The following SLC24A2 variants were observed in gnomAD, a reference collection of about 807,000 sequenced individuals.
SLC24A2 encodes sodium/potassium/calcium exchanger 2.
SLC24A2 carries 36 observed loss-of-function variants against 62.0 expected under a neutral mutation model. The observed-to-expected ratio is 0.58, with a 90% CI of 0.44 to 0.77. The LOEUF (loss-of-function observed/expected upper bound fraction) is 0.77. Among genes scored for constraint, SLC24A2 ranks in the 30% least tolerant of loss-of-function variants. The probability of loss-of-function intolerance (pLI) is 0.00; values close to 1 mark genes in which losing one functional copy is unlikely to be tolerated. For missense variants in SLC24A2, 846 were observed against 817.9 expected (o/e 1.03, Z -0.42); for synonymous variants, 358 against 294.0 (o/e 1.22, Z -2.23).
At chr9:19,932,191 T>C in the SLC24A2 span, among the ~76,000 whole-genome samples, 24 of 152,200 alleles carry the variant, frequency 1.6e-4, no homozygotes, top group African/African-American at 5.3e-4. Context: ...TAGTCAAAGT[T>C]GTAAGAAAAA....
chr9:19,692,943 G>A (rs4977316), intron 2 of SLC24A2, among the ~76,000 whole-genome samples: 57,630 of 151,980 alleles, frequency 0.38, 13,309 homozygotes, highest in East Asian at 0.73. Context: ...TTAGCCATTT[G>A]ACCTTAGGCA....
In SLC24A2 at chr9:19,520,976, T is replaced by C; in HGVS notation, c.1654A>G (p.Ser552Gly). 6.2e-7 allele frequency: 1 copy of C among 1,614,092 alleles called. No homozygotes were observed. The highest frequency in any genetic ancestry group is 8.5e-7 in the Non-Finnish European group (1 of 1,179,990). ...AACCCCTTCCGGGCCACTATGACACTGGTGATAAGATCAGGGATGGAGGTC... is the reference window on the plus strand; with the variant it reads ...AACCCCTTCCGGGCCACTATGACACCGGTGATAAGATCAGGGATGGAGGTC... ...AGTSIPDLITSVIVARKGLGD... is the reference protein window; with the variant it reads ...AGTSIPDLITGVIVARKGLGD... Residue 552 changes from serine (S) to glycine (G), a missense_variant, in exon 10 of 11, where the codon AGT becomes GGT. Physicochemically the swap from Ser to Gly is moderately conservative, Grantham distance 56 (BLOSUM62 0). Coordinates refer to ENST00000341998, the MANE Select transcript of SLC24A2 (RefSeq NM_020344.4).
chr9:20,000,812 C>G, the SLC24A2 span, among the ~76,000 whole-genome samples: 1 of 152,150 alleles, frequency 6.6e-6, no homozygotes, highest in African/African-American at 2.4e-5. Flanking sequence ...ACTGTTCCTC[C>G]TCTATACACA....
At chr9:20,303,248 G>C in the SLC24A2 span, among the ~76,000 whole-genome samples, 1 of 152,104 alleles carries the variant, frequency 6.6e-6, no homozygotes, top group African/African-American at 2.4e-5. Flanking sequence ...ACCCTGAGGG[G>C]AAACAGGGGC....
In SLC24A2 at chr9:19,509,361, G is replaced by A. The variant is rs769436233; in HGVS notation, c.*6792C>T. On this transcript the variant is annotated 3_prime_UTR_variant, in exon 11 of 11. Transcript: ENST00000341998. Reference sequence around the variant, plus strand: ...TGTATAAGTAGATTAGGATTGCCTAGAACAATAATTGTAGTTAATAAAAAA... The same window carrying A: ...TGTATAAGTAGATTAGGATTGCCTAAAACAATAATTGTAGTTAATAAAAAA... The A allele has an allele frequency of 6.6e-6, 1 of 151,994 alleles. No homozygotes were observed. Among genetic ancestry groups the A allele is most frequent in the Non-Finnish European group, 1.5e-5 (1 of 67,986 alleles). 9.4% of individuals were successfully genotyped at this position (151,994 alleles called of 1,614,324 possible).
At chr9:20,216,092 C>A in the SLC24A2 span, among the ~76,000 whole-genome samples, 6 of 29,962 alleles carry the variant, frequency 2.0e-4, no homozygotes, top group African/African-American at 3.9e-4. Flanking sequence ...CCATTCAAAC[C>A]AAATAAGAGG....
At chr9:19,866,625 C>CCTTTTTTTTT in the SLC24A2 span, among the ~76,000 whole-genome samples, 1 of 68,188 alleles carries the variant, frequency 1.5e-5, no homozygotes, top group Non-Finnish European at 2.6e-5. Flanking sequence ...CACGTTTTCA[C>CCTTTTTTTTT]TTTTTTTTTT....
chr9:19,662,344 C>T (rs1819125895), intron 2 of SLC24A2, among the ~76,000 whole-genome samples: 1 of 152,296 alleles, frequency 6.6e-6, no homozygotes, highest in Admixed American at 6.5e-5. Flanking sequence ...AGACTAGACA[C>T]ATTTCAAGGG....
chr9:19,888,862 C>T, the SLC24A2 span, among the ~76,000 whole-genome samples: 3 of 152,242 alleles, frequency 2.0e-5, no homozygotes, highest in South Asian at 4.1e-4. Flanking sequence ...CAACTGGAAC[C>T]CATGAGGACA....
At chr9:19,965,007 A>C in the SLC24A2 span, among the ~76,000 whole-genome samples, 1 of 152,100 alleles carries the variant, frequency 6.6e-6, no homozygotes, top group African/African-American at 2.4e-5. Context: ...CCACATGTAG[A>C]GACAACAGCC....
intron 2 of SLC24A2, among the ~76,000 whole-genome samples, chr9:19,734,764 G>C (rs1821453035): frequency 7.4e-6 from 1 of 135,330 alleles, no homozygotes; most frequent in Admixed American, 7.7e-5. Flanking sequence ...TTGCCTATCA[G>C]CTTAAGGAGA....
the SLC24A2 span, among the ~76,000 whole-genome samples, chr9:20,100,952 A>G: frequency 6.6e-6 from 1 of 152,194 alleles, no homozygotes; most frequent in East Asian, 1.9e-4. Context: ...AACAACAGGT[A>G]TAAATACACA....
the SLC24A2 span, among the ~76,000 whole-genome samples, chr9:20,060,547 C>T: frequency 6.6e-6 from 1 of 151,954 alleles, no homozygotes; most frequent in African/African-American, 2.4e-5. Context: ...AGACAAAACC[C>T]AAATGGCCAT....
the SLC24A2 span, among the ~76,000 whole-genome samples, chr9:20,018,867 A>C: frequency 6.6e-6 from 1 of 151,984 alleles, no homozygotes; most frequent in Non-Finnish European, 1.5e-5. Flanking sequence ...AGTTAAAGAC[A>C]AGCCTGGGCA....
At chr9:19,618,262 A>G (rs1490382607) in intron 4 of SLC24A2, among the ~76,000 whole-genome samples, 4 of 152,234 alleles carry the variant, frequency 2.6e-5, no homozygotes, top group Non-Finnish European at 1.5e-5. Flanking sequence ...CTCTGGGGGT[A>G]TATCCCAGGG....
At chr9:20,221,620 C>T in the SLC24A2 span, among the ~76,000 whole-genome samples, 1 of 151,864 alleles carries the variant, frequency 6.6e-6, no homozygotes, top group African/African-American at 2.4e-5. Flanking sequence ...GGAAGTGCAT[C>T]CTCAAGTCTT....
the SLC24A2 span, among the ~76,000 whole-genome samples, chr9:20,065,519 A>G: frequency 1.3e-5 from 2 of 152,222 alleles, no homozygotes; most frequent in Non-Finnish European, 2.9e-5. Flanking sequence ...CCACATGACA[A>G]GCACTATTAG....
chr9:19,774,600 A>G (rs1822789289), intron 2 of SLC24A2, among the ~76,000 whole-genome samples: 1 of 152,228 alleles, frequency 6.6e-6, no homozygotes, highest in Admixed American at 6.5e-5. Context: ...ATGACAGTTT[A>G]TAAGTGGGAA....
At chr9:20,078,157 C>G in the SLC24A2 span, among the ~76,000 whole-genome samples, 1 of 152,084 alleles carries the variant, frequency 6.6e-6, no homozygotes, top group African/African-American at 2.4e-5. Flanking sequence ...TGGAAGAGCA[C>G]CAACGCAGAG....
Sources: gnomAD v4.1 joint callset for allele counts (sites outside exome capture counted in the v4.1 genomes callset) on GRCh38, gnomAD v4.1.1 for gene constraint, MANE v1.5 for transcripts, NCBI Gene and HGNC (gene_info 2026-07-23, HGNC 2026-07-21) for gene names.